The following TMEM181 variants were observed in gnomAD, a reference collection of about 807,000 sequenced individuals.
TMEM181 encodes the protein transmembrane protein 181.
TMEM181 carries 39 observed loss-of-function variants against 71.9 expected under a neutral mutation model. The observed-to-expected ratio is 0.54, with a 90% CI of 0.42 to 0.71. TMEM181 has a LOEUF of 0.71. Ranked by LOEUF, TMEM181 falls within the 30% of genes least tolerant of loss-of-function variation. TMEM181 has a pLI of 0.00. For synonymous variants in TMEM181, 245 were observed against 228.8 expected, an observed-to-expected ratio of 1.07 and a Z score of -0.64; for missense variants, 595 against 583.0, an observed-to-expected ratio of 1.02 and a Z score of -0.21.
chr6:158,557,094 T>G (rs535355444), upstream of TMEM181, among the ~76,000 whole-genome samples: 95 of 152,206 alleles, frequency 6.2e-4, no homozygotes, highest in African/African-American at 2.2e-3. Context: ...CAGTAGCTTA[T>G]CTCCAAAGGC....
chr6:158,619,998 C>CAA (rs1785866503), intron 10 of TMEM181, among the ~76,000 whole-genome samples: 8 of 152,106 alleles, frequency 5.3e-5, no homozygotes, highest in Admixed American at 1.3e-4. Flanking sequence ...TGTCAAGGTC[C>CAA]CTGAGAATCT....
intron 1 of TMEM181, among the ~76,000 whole-genome samples, chr6:158,540,409 G>A (rs1347139489): frequency 6.6e-6 from 1 of 151,954 alleles, no homozygotes; most frequent in East Asian, 1.9e-4. Context: ...ATCAGAAGAC[G>A]TACTAAAAAG....
chr6:158,628,412 G>T lies in TMEM181; in HGVS notation c.1114G>T (p.Ala372Ser), dbSNP rs372660843. The T allele has an allele frequency of 6.2e-7, 1 of 1,614,082 alleles. No homozygotes were observed. Among genetic ancestry groups the T allele is most frequent in the Admixed American group, 1.7e-5 (1 of 60,022 alleles). Residue 372 changes from alanine to serine, a missense_variant, in exon 14 of 17, where the codon GCC becomes TCC. Coordinates refer to ENST00000684151, the MANE Select transcript of TMEM181 (RefSeq NM_001376852.1). ...CTGCTCCTCTGTCTTGTTCAGCATCGCCATCCTTTATTTGAGATTTGGGGC... is the reference window on the plus strand; with the variant it reads ...CTGCTCCTCTGTCTTGTTCAGCATCTCCATCCTTTATTTGAGATTTGGGGC... ...LTFVVLVISI[A>S]ILYLRFGAQV... is the part of the protein sequence containing the mutation.
chr6:158,586,689 T>C (rs1463709272), intron 5 of TMEM181, among the ~76,000 whole-genome samples: 2 of 152,086 alleles, frequency 1.3e-5, no homozygotes, highest in African/African-American at 4.8e-5. Flanking sequence ...GGCTCATGCC[T>C]GTAATCCCAG....
intron 10 of TMEM181, among the ~76,000 whole-genome samples, chr6:158,613,996 C>T (rs1785473223): frequency 1.3e-5 from 2 of 152,152 alleles, no homozygotes; most frequent in African/African-American, 4.8e-5. Flanking sequence ...CCCAACATAA[C>T]CTTACTTGTG....
chr6:158,629,949 A>T (rs1250320001), intron 15 of TMEM181, 130 bp downstream of exon 15: 13 of 776,780 alleles, frequency 1.7e-5, no homozygotes, highest in Middle Eastern at 3.2e-4. Context: ...CTTGGCAGAG[A>T]GAGAGTGAGT....
rs538424450 is a variant in TMEM181 at position 158,584,963 on chromosome 6, AT to A, written c.260-336del. On this transcript the variant is annotated intron_variant, in intron 4 of 16. Transcript: ENST00000684151. ...CAGAAGAAATAAGAAATCTATTTCT[AT>A]TTTTGGTATAGAATTTGGTAAGTTA... 3.9e-5 allele frequency among the ~76,000 whole-genome samples: 6 copies of A among 152,304 alleles called. No individual in the cohort carries two copies. In the South Asian group the frequency reaches 1.2e-3, roughly 32 times the overall value.
Position 158,623,606 on chromosome 6 carries a change from A to G in TMEM181, c.953A>G (p.Gln318Arg). 1 of 1,577,902 alleles carries G rather than the reference A, an allele frequency of 6.3e-7. No homozygotes were observed. The highest frequency in any genetic ancestry group is 1.7e-5 in the Admixed American group (1 of 57,662). Reference protein sequence around the residue: ...YQYRVDTGNFQGMKVFFMVVA... With the variant: ...YQYRVDTGNFRGMKVFFMVVA... ...TATCGAGTTGATACCGGAAATTTTC[A>G]GGTAAGGATTGTTAATGAGGCCTGC... Residue 318 changes from glutamine to arginine, a missense_variant and splice_region_variant, in exon 11 of 17, where the codon CAG (glutamine) becomes CGG (arginine). Coordinates refer to ENST00000684151, the MANE Select transcript of TMEM181 (RefSeq NM_001376852.1).
upstream of TMEM181, among the ~76,000 whole-genome samples, chr6:158,558,559 C>G (rs756718574): frequency 2.6e-5 from 4 of 152,176 alleles, no homozygotes; most frequent in Non-Finnish European, 4.4e-5. Flanking sequence ...GGTTTATGTT[C>G]TAGCTTATTT....
At chr6:158,609,897 G>T in intron 10 of TMEM181, 1 of 235,226 alleles carries the variant, frequency 4.3e-6, no homozygotes. Flanking sequence ...CTCTCCAGTG[G>T]GATCTGCCTC....
chr6:158,543,071 T>C (rs1009088535), intron 1 of TMEM181, among the ~76,000 whole-genome samples: 1 of 151,706 alleles, frequency 6.6e-6, no homozygotes, highest in Non-Finnish European at 1.5e-5. Flanking sequence ...GAGATGAGGT[T>C]TTACCGTGTT....
intron 2 of TMEM181, 127 bp downstream of exon 2, chr6:158,573,650 C>T: frequency 1.3e-6 from 1 of 773,310 alleles, no homozygotes. Context: ...GGAGAAGTGT[C>T]CACAGGGTGG....
At chr6:158,538,387 T>G (rs976442084) in intron 1 of TMEM181, among the ~76,000 whole-genome samples, 1 of 151,900 alleles carries the variant, frequency 6.6e-6, no homozygotes, top group Non-Finnish European at 1.5e-5. Context: ...ACTCCTGGGC[T>G]CAAGTGATGC....
At chr6:158,581,625 G>T (rs1044480996) in intron 3 of TMEM181, among the ~76,000 whole-genome samples, 2 of 151,700 alleles carry the variant, frequency 1.3e-5, no homozygotes, top group South Asian at 2.1e-4. Flanking sequence ...GTGGTGGGGG[G>T]GCGCCTGTAG....
intron 2 of TMEM181, among the ~76,000 whole-genome samples, chr6:158,577,344 T>C (rs951676478): frequency 6.6e-6 from 1 of 152,138 alleles, no homozygotes; most frequent in African/African-American, 2.4e-5. Flanking sequence ...AAGGCAGATT[T>C]GAACAGGTAG....
chr6:158,540,549 G>A (rs148657033), intron 1 of TMEM181, among the ~76,000 whole-genome samples: 1 of 152,302 alleles, frequency 6.6e-6, no homozygotes, highest in African/African-American at 2.4e-5. Flanking sequence ...GGGAGGCCAA[G>A]GCAGGCAGAT....
chr6:158,576,903 A>T (rs1288959529), intron 2 of TMEM181, among the ~76,000 whole-genome samples: 1 of 152,058 alleles, frequency 6.6e-6, no homozygotes, highest in Non-Finnish European at 1.5e-5. Flanking sequence ...TCTGCTAAAA[A>T]TACAAAAAAT....
upstream of TMEM181, among the ~76,000 whole-genome samples, chr6:158,556,341 T>G (rs2128282824): frequency 6.6e-6 from 1 of 152,310 alleles, no homozygotes; most frequent in South Asian, 2.1e-4. Context: ...CCCGTAGTGA[T>G]CCTTTTCCCG....
chr6:158,581,620 G>C (rs536313305), intron 3 of TMEM181, among the ~76,000 whole-genome samples: 3 of 150,232 alleles, frequency 2.0e-5, no homozygotes, highest in African/African-American at 7.4e-5. Context: ...TGGGCGTGGT[G>C]GGGGGGCGCC....
Sources: gnomAD v4.1 joint callset for allele counts (sites outside exome capture counted in the v4.1 genomes callset) on GRCh38, gnomAD v4.1.1 for gene constraint, MANE v1.5 for transcripts, NCBI Gene and HGNC (gene_info 2026-07-23, HGNC 2026-07-21) for gene names.